The following CTBP2 variants were observed in gnomAD, a reference collection of about 807,000 sequenced individuals.
The protein encoded by CTBP2 is C-terminal-binding protein 2.
Under a neutral mutation model 80.3 loss-of-function variants are expected in CTBP2, and 30 were observed. The observed-to-expected ratio is 0.37, with a 90% CI of 0.28 to 0.51. The LOEUF (loss-of-function observed/expected upper bound fraction) is 0.51, where lower values mean the gene tolerates loss of function less well. Ranked by LOEUF, CTBP2 falls within the 20% of genes least tolerant of loss-of-function variation. The pLI is 0.93. For missense variants in CTBP2, 1,212 were observed against 1,375.3 expected, an observed-to-expected ratio of 0.88 and a Z score of 1.88; for synonymous variants, 594 against 587.4, an observed-to-expected ratio of 1.01 and a Z score of -0.16.
intron 2 of CTBP2, among the ~76,000 whole-genome samples, chr10:125,065,817 C>A (rs117817995): frequency 1.1e-4 from 16 of 152,136 alleles, no homozygotes; most frequent in African/African-American, 3.6e-4. Flanking sequence ...ATGCCATCAT[C>A]GGCTGGGTGT....
chr10:125,092,473 C>G (rs1848919933), intron 2 of CTBP2, among the ~76,000 whole-genome samples: 1 of 152,178 alleles, frequency 6.6e-6, no homozygotes, highest in African/African-American at 2.4e-5. Flanking sequence ...TGAGCCACCA[C>G]TCCCAGCATT....
chr10:125,026,022 C>T lies in CTBP2; in HGVS notation c.1678+60G>A, dbSNP rs80155836. On this transcript the variant is annotated intron_variant, in intron 1 of 8. Transcript: ENST00000309035. ...CCATCCTATGTTCAAACTTCTACAA[C>T]CCCGCACCCCCCTGCTCCCCCCAGG... 6,557 of 1,520,006 alleles carry T rather than the reference C, an allele frequency of 4.3e-3. 398 individuals carry two copies. The East Asian group carries it at 0.13, about 30-fold the overall frequency. The allele number at this position is 1,520,006 out of a possible 1,614,324, so 94.2% of individuals were successfully genotyped here. A position where few individuals can be genotyped will look rare whatever the true frequency, so the allele number is the denominator to read the frequency against.
chr10:124,992,383 C>T (rs540140748), intron 8 of CTBP2, among the ~76,000 whole-genome samples: 22 of 152,030 alleles, frequency 1.4e-4, no homozygotes, highest in East Asian at 3.9e-4. Context: ...TGCAGGTGTG[C>T]GCCACCACAC....
chr10:125,141,255 G>A (rs559536077), intron 1 of CTBP2, among the ~76,000 whole-genome samples: 1 of 152,226 alleles, frequency 6.6e-6, no homozygotes, highest in African/African-American at 2.4e-5. Context: ...TCCTCTGCTG[G>A]GCACCTGGGC....
intron 6 of CTBP2, 128 bp from the exon 9 acceptor site, chr10:124,993,457 T>C: frequency 9.4e-7 from 1 of 1,066,744 alleles, no homozygotes; most frequent in Non-Finnish European, 1.3e-6. Context: ...CAGGAACATC[T>C]GTGATGATAT....
chr10:124,995,962 C>T (rs1330719973), intron 4 of CTBP2: 1 of 152,132 alleles, frequency 6.6e-6, no homozygotes, highest in African/African-American at 2.4e-5. Context: ...GGCTCACACT[C>T]TGCAGATCCA....
intron 2 of CTBP2, among the ~76,000 whole-genome samples, chr10:125,073,508 T>C (rs920947433): frequency 6.6e-6 from 1 of 152,258 alleles, no homozygotes; most frequent in African/African-American, 2.4e-5. Context: ...CCCAAAGTGC[T>C]GGGATTACAG....
intron 1 of CTBP2, among the ~76,000 whole-genome samples, chr10:125,147,934 C>G (rs187007585): frequency 2.6e-4 from 39 of 152,244 alleles, no homozygotes; most frequent in Admixed American, 2.6e-3. Flanking sequence ...ACATACGGTA[C>G]GTCAGGCCAG....
chr10:125,012,507 C>T (rs1049358190), intron 1 of CTBP2, among the ~76,000 whole-genome samples: 2 of 152,296 alleles, frequency 1.3e-5, no homozygotes, highest in South Asian at 2.1e-4. Context: ...CCTGCCGGCA[C>T]GCCAAGGTCA....
At chr10:125,130,920 G>A (rs910867528) in intron 1 of CTBP2, among the ~76,000 whole-genome samples, 1 of 152,186 alleles carries the variant, frequency 6.6e-6, no homozygotes, top group African/African-American at 2.4e-5. Context: ...AAATCCCTGG[G>A]TATCGCCTCC....
intron 2 of CTBP2, among the ~76,000 whole-genome samples, chr10:125,075,887 G>A (rs1846203163): frequency 6.6e-6 from 1 of 152,198 alleles, no homozygotes; most frequent in African/African-American, 2.4e-5. Context: ...TTCTACCAAA[G>A]CTGAGCATGT....
chr10:125,028,639 C>T (rs542735277), upstream of CTBP2, among the ~76,000 whole-genome samples: 1 of 152,306 alleles, frequency 6.6e-6, no homozygotes, highest in Non-Finnish European at 1.5e-5. Context: ...GCCGGGGGGC[C>T]GGGGAGTGCC....
upstream of CTBP2, among the ~76,000 whole-genome samples, chr10:125,030,062 A>T (rs901627782): frequency 6.6e-6 from 1 of 151,928 alleles, no homozygotes; most frequent in Admixed American, 6.6e-5. Context: ...AGATTTGACA[A>T]ATATTATGAC....
chr10:125,043,245 G>C (rs2135061993), intron 2 of CTBP2, among the ~76,000 whole-genome samples: 1 of 152,270 alleles, frequency 6.6e-6, no homozygotes, highest in East Asian at 1.9e-4. Context: ...CCAGAATCAA[G>C]GGCAGGGGAA....
chr10:125,154,027 A>G (rs1489356383), intron 1 of CTBP2, among the ~76,000 whole-genome samples: 9 of 152,338 alleles, frequency 5.9e-5, no homozygotes, highest in Admixed American at 2.0e-4. Flanking sequence ...CTGGAATGAG[A>G]CACAGAAATA....
In CTBP2 at chr10:125,026,420, A is replaced by G. The variant is rs766701493; in HGVS notation, c.1340T>C (p.Leu447Pro). 13 of 1,604,636 alleles carry G rather than the reference A, an allele frequency of 8.1e-6. No homozygotes were observed. In the Admixed American group the frequency reaches 8.4e-5, roughly 10 times the overall value. The change falls in exon 1 of 9, where the codon CTG (leucine) becomes CCG (proline). Residue 447 changes from leucine to proline, a missense_variant. By Grantham distance (98) the Leu-to-Pro change is moderately conservative. Around this residue, in one of 3 missense-constraint regions of CTBP2, gnomAD observed 848 missense variants for 782.3 expected, o/e 1.08. Transcript: ENST00000309035. ...GTACGTGGGGCTCAGACGCGCTGTC[A>G]GGGCGCAAGGGGTGGGAGAGCTGTA...
At position 125,026,142 on chromosome 10, in the gene CTBP2, T is replaced by C. The variant is rs367730078; in HGVS notation, c.1618A>G (p.Lys540Glu). 5.0e-6 allele frequency: 8 copies of C among 1,602,754 alleles called. No homozygotes were observed. The African/African-American group carries it at 9.4e-5, about 19-fold the overall frequency. The stretch of plus-strand genomic sequence containing the variant: ...GGTGCCCCTGTGCGCCGGGCCACCT[T>C]CTGGTACGGTGAGTGAGGCGTGTGG... Residue 540 changes from lysine (K) to glutamate (E), a missense_variant, in exon 1 of 9, where the codon AAG becomes GAG. By Grantham distance (56) the Lys-to-Glu change is moderately conservative. Coordinates refer to ENST00000309035, the MANE Select transcript of CTBP2 (RefSeq NM_022802.3).
chr10:125,095,009 G>C lies in CTBP2; in HGVS notation c.-102+15981C>G, dbSNP rs116904481. Among the ~76,000 whole-genome samples, 520 of 152,234 alleles carry C rather than the reference G, an allele frequency of 3.4e-3. 8 individuals are homozygous for C. Among genetic ancestry groups the C allele is most frequent in the East Asian group, 0.029 (148 of 5,162 alleles). On this transcript the variant is annotated intron_variant, in intron 2 of 10. Transcript: ENST00000337195. ...CGGAGGAAGCAAGTGTGGCAGGGCT[G>C]GGTGGCGCTGTCCTGCGGATGCTGA...
chr10:125,115,549 G>C (rs1437974040), intron 1 of CTBP2, among the ~76,000 whole-genome samples: 1 of 152,164 alleles, frequency 6.6e-6, no homozygotes, highest in Admixed American at 6.5e-5. Context: ...CCCTTTGAAA[G>C]AGAGAACCCA....
Sources: allele counts gnomAD v4.1 joint callset (sites outside exome capture counted in the v4.1 genomes callset), GRCh38; gene constraint gnomAD v4.1.1; regional missense constraint gnomAD v4.1.1; transcripts MANE v1.5; gene names NCBI Gene and HGNC (gene_info 2026-07-23, HGNC 2026-07-21).